Variants in CEP290 observed in about 807,000 individuals in gnomAD.
The protein encoded by CEP290 is centrosomal protein 290, also known as centrosomal protein of 290 kDa.
A neutral mutation model predicts 344.9 loss-of-function variants in CEP290; 317 were observed. The ratio of observed to expected loss-of-function variants is 0.92; its 90% CI spans 0.84 to 1.01. The LOEUF (loss-of-function observed/expected upper bound fraction) is 1.01. Among genes scored for constraint, CEP290 ranks in the 50% least tolerant of loss-of-function variants. The pLI is 0.00. For synonymous variants in CEP290, 932 were observed against 895.8 expected (o/e 1.04, Z -0.72); for missense variants, 2,754 against 2,761.4 (o/e 1.00, Z 0.06).
chr12:88,101,468 G>C (rs2037871731), intron 26 of CEP290, among the ~76,000 whole-genome samples: 1 of 133,834 alleles, frequency 7.5e-6, no homozygotes. Context: ...GTGACAGAGC[G>C]AGACTCTGCC....
rs1299603040 is a variant in CEP290 at position 88,080,409 on chromosome 12, A to G, written c.5013-14T>C. ...TTTTCTTGAAGCCTGATGTAAATAAACATATGTGTGTGTGTGTTTTTTAAT... is the reference window on the plus strand; with the variant it reads ...TTTTCTTGAAGCCTGATGTAAATAAGCATATGTGTGTGTGTGTTTTTTAAT... On this transcript the variant is annotated splice_polypyrimidine_tract_variant and intron_variant, in intron 37 of 53. Coordinates refer to ENST00000552810, the MANE Select transcript of CEP290 (RefSeq NM_025114.4). The G allele has an allele frequency of 1.9e-6, 3 of 1,581,924 alleles. No individual in the cohort carries two copies. The Admixed American group carries it at 5.1e-5, about 27-fold the overall frequency.
Position 88,129,710 on chromosome 12 carries a change from T to A in CEP290, c.836A>T (p.Asp279Val), listed in dbSNP as rs547702101. The A allele has an allele frequency of 5.1e-5, 73 of 1,438,082 alleles. 1 individual carries two copies. The South Asian group carries it at 9.7e-4, about 19-fold the overall frequency. The allele number at this position is 1,438,082 out of a possible 1,614,324, so 89.1% of individuals were successfully genotyped here. Reference protein sequence around the residue: ...NVIDQLKKENDHYQLQVQELT... With the variant: ...NVIDQLKKENVHYQLQVQELT... ...AATTCTTACTTGAAGTTGATAATGA[T>A]CGTTTTCTTTTTTTAACTGATCTAT... is the stretch of plus-strand genomic sequence containing the variant. Residue 279 changes from aspartate (D) to valine (V), a missense_variant, in exon 10 of 54, where the codon GAT becomes GTT. Coordinates refer to ENST00000552810, the MANE Select transcript of CEP290 (RefSeq NM_025114.4).
intron 23 of CEP290, among the ~76,000 whole-genome samples, chr12:88,107,861 C>T (rs1250717189): frequency 6.6e-6 from 1 of 150,990 alleles, no homozygotes; most frequent in Non-Finnish European, 1.5e-5. Context: ...AAGATAGCGC[C>T]ACTGCACTCC....
intron 29 of CEP290, among the ~76,000 whole-genome samples, chr12:88,091,976 G>A (rs1004076047): frequency 2.6e-5 from 4 of 152,010 alleles, no homozygotes; most frequent in African/African-American, 7.2e-5. Context: ...GCAGTGGCGC[G>A]ATCTCGGCTC....
Position 88,058,982 on chromosome 12 carries a change from AT to A in CEP290, c.6683del (p.Asn2228IlefsTer3). 1 of 1,612,462 alleles carries A rather than the reference AT, an allele frequency of 6.2e-7. No individual in the cohort carries two copies. Among genetic ancestry groups the A allele is most frequent in the Non-Finnish European group, 8.5e-7 (1 of 1,179,438 alleles). On this transcript the variant is annotated frameshift_variant, in exon 49 of 54. Coordinates refer to ENST00000552810, the MANE Select transcript of CEP290 (RefSeq NM_025114.4). LOFTEE classifies it high-confidence loss of function. ...TCTTCTCATTTAATATCTCTAAATT[AT>A]TCTTTGCTATCCGTAATTTCTCTGC... The part of the protein sequence containing the change: ...DAAEKLRIAK[N>X]NLEILNEKMT...
chr12:88,110,041 T>C (rs145637503), intron 22 of CEP290, among the ~76,000 whole-genome samples: 1 of 152,116 alleles, frequency 6.6e-6, no homozygotes, highest in Non-Finnish European at 1.5e-5. Flanking sequence ...AAAATCCCAA[T>C]ATTGAGAAAA....
At chr12:88,101,913 T>C (rs1005654674) in intron 26 of CEP290, among the ~76,000 whole-genome samples, 3 of 152,230 alleles carry the variant, frequency 2.0e-5, no homozygotes, top group African/African-American at 7.2e-5. Context: ...AAACTGATTA[T>C]GATTACTTCT....
At chr12:88,097,621 A>C (rs2037533981) in intron 26 of CEP290, among the ~76,000 whole-genome samples, 2 of 151,178 alleles carry the variant, frequency 1.3e-5, no homozygotes, top group African/African-American at 4.9e-5. Context: ...ACACACACAC[A>C]CACACACACA....
intron 29 of CEP290, 88 bp downstream of exon 29, chr12:88,092,593 A>G (rs1429529162): frequency 2.7e-6 from 3 of 1,130,958 alleles, no homozygotes; most frequent in South Asian, 3.5e-5. Flanking sequence ...ATTACTACTA[A>G]GAATTGTATA....
chr12:88,096,183 G>C (rs899457721), intron 27 of CEP290, among the ~76,000 whole-genome samples: 2 of 152,026 alleles, frequency 1.3e-5, no homozygotes, highest in African/African-American at 4.8e-5. Flanking sequence ...TGAGTAGATG[G>C]AATTACAGGC....
Position 88,090,752 on chromosome 12 carries a change from G to T in CEP290, c.3549C>A (p.Leu1183=). 1 of 1,559,232 alleles carries T rather than the reference G, an allele frequency of 6.4e-7. No homozygotes were observed. Among genetic ancestry groups the T allele is most frequent in the East Asian group, 2.3e-5 (1 of 42,788 alleles). ...CCTGATAGTCTAGCAGTTGCATTCT[G>T]AGGGACTCTACTTCCTTGTCCCTAG... ...QQSRDKEVES[L]RMQLLDYQAQ... Residue 1183 remains leucine, a synonymous_variant, in exon 30 of 54, where the codon CTC becomes CTA. Transcript: ENST00000552810.
Position 88,117,110 on chromosome 12 carries a change from T to C in CEP290, c.1747A>G (p.Ile583Val), listed in dbSNP as rs1459958084. The C allele has an allele frequency of 1.9e-6, 3 of 1,561,002 alleles. No individual in the cohort carries two copies. The highest frequency in any genetic ancestry group is 2.7e-5 in the African/African-American group (2 of 73,782). Residue 583 changes from isoleucine (I) to valine (V), a missense_variant, in exon 18 of 54, where the codon ATT (isoleucine) becomes GTT (valine). Coordinates refer to ENST00000552810, the MANE Select transcript of CEP290 (RefSeq NM_025114.4). Reference sequence around the variant, plus strand: ...TCACTTATTCTATCTCCTTGAGAAATGTTTTCAGTTAGGTTCAGGTCCTCA... The same window carrying C: ...TCACTTATTCTATCTCCTTGAGAAACGTTTTCAGTTAGGTTCAGGTCCTCA... ...TTEDLNLTEN[I>V]SQGDRISERK...
At chr12:88,139,860 C>T (rs2040546473) in intron 3 of CEP290, among the ~76,000 whole-genome samples, 1 of 152,154 alleles carries the variant, frequency 6.6e-6, no homozygotes, top group Non-Finnish European at 1.5e-5. Context: ...TCCTGAGTAG[C>T]TGGGACTACA....
intron 25 of CEP290, among the ~76,000 whole-genome samples, chr12:88,106,332 G>A (rs2038276696): frequency 1.3e-5 from 2 of 152,064 alleles, no homozygotes; most frequent in African/African-American, 4.8e-5. Context: ...AGATTTATGA[G>A]ATGTAACATC....
rs765605695 is a variant in CEP290 at position 88,077,728 on chromosome 12, C to T, written c.5555G>A (p.Arg1852Lys). ...EIDQENDELKRQIKRLTSGLQ... is the reference protein window; with the variant it reads ...EIDQENDELKKQIKRLTSGLQ... ...TCCACTGGTTAGTCTTTTAATTTGC[C>T]TTTTCAGTTCATCATTCTCTTGATC... is the stretch of plus-strand genomic sequence containing the variant. The change falls in exon 40 of 54, where the codon AGG becomes AAG. Residue 1852 changes from arginine (R) to lysine (K), a missense_variant. Coordinates refer to ENST00000552810, the MANE Select transcript of CEP290 (RefSeq NM_025114.4). The T allele has an allele frequency of 5.7e-6, 9 of 1,567,054 alleles. No homozygotes were observed. The East Asian group carries it at 1.8e-4, about 32-fold the overall frequency.
intron 5 of CEP290, among the ~76,000 whole-genome samples, chr12:88,137,342 CA>C (rs1403279771): frequency 1.3e-5 from 2 of 152,128 alleles, no homozygotes; most frequent in East Asian, 3.8e-4. Context: ...TAATTTTAAC[CA>C]ATGTAAATAT....
At chr12:88,120,926 A>G in intron 14 of CEP290, 71 bp downstream of exon 14, 1 of 1,285,292 alleles carries the variant, frequency 7.8e-7, no homozygotes, top group East Asian at 2.3e-5. Flanking sequence ...TATGCAGTAA[A>G]TAGCACAGAA....
intron 23 of CEP290, among the ~76,000 whole-genome samples, chr12:88,107,698 T>C (rs1253967921): frequency 6.6e-6 from 1 of 151,220 alleles, no homozygotes; most frequent in East Asian, 1.9e-4. Context: ...GCTAGGAATT[T>C]TGAGACTAGC....
chr12:88,082,600 G>A (rs764831410), intron 37 of CEP290, among the ~76,000 whole-genome samples: 2 of 151,936 alleles, frequency 1.3e-5, no homozygotes, highest in Non-Finnish European at 2.9e-5. Flanking sequence ...AGGCTGAGGT[G>A]GGAAGATGGT....
Sources: gnomAD v4.1 joint callset for allele counts (sites outside exome capture counted in the v4.1 genomes callset) on GRCh38, gnomAD v4.1.1 for gene constraint, MANE v1.5 for transcripts, NCBI Gene and HGNC (gene_info 2026-07-23, HGNC 2026-07-21) for gene names.